The following NCOA1 variants were observed in gnomAD, a reference collection of about 807,000 sequenced individuals.
NCOA1 encodes the protein Hin-2 protein.
A neutral mutation model predicts 150.9 loss-of-function variants in NCOA1; 35 were observed. The ratio of observed to expected loss-of-function variants is 0.23; its 90% CI spans 0.18 to 0.31. The LOEUF is 0.31. NCOA1 is among the 10% of genes least tolerant of loss of function. NCOA1 has a pLI of 1.00. For synonymous variants in NCOA1, 590 were observed against 630.0 expected, an observed-to-expected ratio of 0.94 and a Z score of 0.95; for missense variants, 1,491 against 1,749.3, an observed-to-expected ratio of 0.85 and a Z score of 2.63.
intron 3 of NCOA1, among the ~76,000 whole-genome samples, chr2:24,602,158 G>A (rs560187297): frequency 6.6e-6 from 1 of 152,242 alleles, no homozygotes; most frequent in South Asian, 2.1e-4. Flanking sequence ...TCATGTGATT[G>A]GGGAAGAATA....
chr2:24,493,038 A>G (rs1283695955), intron 1 of NCOA1, among the ~76,000 whole-genome samples: 3 of 151,972 alleles, frequency 2.0e-5, no homozygotes, highest in Non-Finnish European at 4.4e-5. Context: ...ATGTTGTAGG[A>G]AGGGGGTCGG....
chr2:24,603,927 T>G (rs778332539), intron 3 of NCOA1, among the ~76,000 whole-genome samples: 12 of 152,246 alleles, frequency 7.9e-5, no homozygotes, highest in Non-Finnish European at 1.8e-4. Flanking sequence ...TTATGGCAGT[T>G]ATAGCCTTAT....
chr2:24,686,688 C>T (rs55944704), intron 8 of NCOA1, among the ~76,000 whole-genome samples: 6,456 of 152,018 alleles, frequency 0.042, 208 homozygotes, highest in African/African-American at 0.093. Context: ...GATTTAGGTT[C>T]AAAAAAGTTT....
At chr2:24,575,943 T>C (rs549730133) in intron 2 of NCOA1, among the ~76,000 whole-genome samples, 1 of 152,254 alleles carries the variant, frequency 6.6e-6, no homozygotes, top group Non-Finnish European at 1.5e-5. Context: ...TGATGCCCTT[T>C]AAGACTTGTT....
At position 24,768,399 on chromosome 2, in the gene NCOA1, T is replaced by G; in HGVS notation, c.*8T>G. 1 of 1,575,606 alleles carries G rather than the reference T, an allele frequency of 6.3e-7. No homozygotes were observed. Among genetic ancestry groups the G allele is most frequent in the African/African-American group, 1.4e-5 (1 of 73,352 alleles). ...CAGCTACTGACTGAATAACCACTTT[T>G]AAAGGAATGTGAAATTTAAATAATA... On this transcript the variant is annotated 3_prime_UTR_variant, in exon 23 of 23. Coordinates refer to ENST00000348332, the MANE Select transcript of NCOA1 (RefSeq NM_003743.5).
chr2:24,700,076 G>C (rs1003673335), intron 11 of NCOA1, among the ~76,000 whole-genome samples: 1 of 151,922 alleles, frequency 6.6e-6, no homozygotes, highest in South Asian at 2.1e-4. Context: ...CCGGGAGGTG[G>C]AGGTTGCGGT....
intron 3 of NCOA1, among the ~76,000 whole-genome samples, chr2:24,614,366 C>T (rs527919643): frequency 1.3e-4 from 20 of 151,154 alleles, no homozygotes; most frequent in African/African-American, 4.6e-4. Flanking sequence ...TATAGGTATA[C>T]ACCACCACAC....
At position 24,710,928 on chromosome 2, in the gene NCOA1, T is replaced by C; in HGVS notation, c.2419-3T>C. 1 of 1,612,690 alleles carries C rather than the reference T, an allele frequency of 6.2e-7. No individual in the cohort carries two copies. The highest frequency in any genetic ancestry group is 8.5e-7 in the Non-Finnish European group (1 of 1,179,502). On this transcript the variant is annotated splice_region_variant and splice_polypyrimidine_tract_variant and intron_variant, in intron 13 of 22. Transcript: ENST00000348332. The stretch of plus-strand genomic sequence containing the variant: ...TTCCTCTAACTTTGGTTTCCATTCT[T>C]AGTTTACAGCTGACCTTGACCAGTT...
chr2:24,678,419 G>T (rs1672018088), intron 7 of NCOA1, among the ~76,000 whole-genome samples: 1 of 152,136 alleles, frequency 6.6e-6, no homozygotes, highest in Non-Finnish European at 1.5e-5. Context: ...TGGGATTGCT[G>T]GGTCATATGG....
intron 14 of NCOA1, among the ~76,000 whole-genome samples, chr2:24,723,475 A>G (rs948963469): frequency 7.2e-5 from 11 of 152,224 alleles, no homozygotes; most frequent in African/African-American, 2.4e-4. Flanking sequence ...GGGTCAAAAG[A>G]TAGATATTGC....
intron 3 of NCOA1, among the ~76,000 whole-genome samples, chr2:24,636,171 T>C (rs537210104): frequency 3.3e-5 from 5 of 152,318 alleles, no homozygotes; most frequent in African/African-American, 1.2e-4. Flanking sequence ...TTTTCAAATA[T>C]ATGAATTAAT....
intron 20 of NCOA1, among the ~76,000 whole-genome samples, chr2:24,756,381 T>A (rs921942459): frequency 2.0e-5 from 3 of 152,214 alleles, no homozygotes; most frequent in Non-Finnish European, 2.9e-5. Flanking sequence ...ACTGACTATT[T>A]CCTAGGCATA....
intron 3 of NCOA1, among the ~76,000 whole-genome samples, chr2:24,638,038 G>T (rs1177487244): frequency 6.6e-6 from 1 of 152,024 alleles, no homozygotes; most frequent in Non-Finnish European, 1.5e-5. Context: ...TCCAACAGTG[G>T]TATAGAACAC....
chr2:24,757,349 A>ATT (rs1664553204), intron 20 of NCOA1, among the ~76,000 whole-genome samples: 5 of 152,276 alleles, frequency 3.3e-5, no homozygotes, highest in Admixed American at 3.3e-4. Context: ...AATAGAAAAC[A>ATT]ATCTGAACTG....
intron 1 of NCOA1, among the ~76,000 whole-genome samples, chr2:24,502,408 C>A (rs1202571726): frequency 6.6e-6 from 1 of 152,088 alleles, no homozygotes; most frequent in East Asian, 1.9e-4. Flanking sequence ...AATTATTGGT[C>A]AAACAATTAA....
chr2:24,634,429 CT>C (rs1353886385), intron 3 of NCOA1, among the ~76,000 whole-genome samples: 1 of 152,124 alleles, frequency 6.6e-6, no homozygotes. Flanking sequence ...TCTAGATTTC[CT>C]TTTTACTCCT....
At chr2:24,512,630 T>C (rs1381644899) in intron 1 of NCOA1, among the ~76,000 whole-genome samples, 1 of 152,032 alleles carries the variant, frequency 6.6e-6, no homozygotes, top group African/African-American at 2.4e-5. Flanking sequence ...TGGTACAGAG[T>C]GTAATTGACT....
intron 3 of NCOA1, among the ~76,000 whole-genome samples, chr2:24,613,067 T>G (rs1668700886): frequency 6.6e-6 from 1 of 152,138 alleles, no homozygotes; most frequent in South Asian, 2.1e-4. Context: ...CTTTTTTTGT[T>G]CCTGTCCCTG....
At chr2:24,612,858 T>TG (rs907119004) in intron 3 of NCOA1, among the ~76,000 whole-genome samples, 1 of 152,180 alleles carries the variant, frequency 6.6e-6, no homozygotes, top group African/African-American at 2.4e-5. Flanking sequence ...TTGTAATTCA[T>TG]GCTTTGAATT....
Sources: gnomAD v4.1 joint callset for allele counts (sites outside exome capture counted in the v4.1 genomes callset) on GRCh38, gnomAD v4.1.1 for gene constraint, MANE v1.5 for transcripts, NCBI Gene and HGNC (gene_info 2026-07-23, HGNC 2026-07-21) for gene names.